Variants in HS2ST1 observed in about 807,000 individuals in gnomAD.
HS2ST1 encodes the protein 2-O-sulfotransferase.
HS2ST1 carries 18 observed loss-of-function variants against 42.9 expected under a neutral mutation model. The observed-to-expected ratio is 0.42, with a 90% CI of 0.29 to 0.62. The LOEUF is 0.62. HS2ST1 is among the 20% of genes least tolerant of loss of function. The pLI, the probability that HS2ST1 is intolerant of heterozygous loss-of-function variation, is 0.21. For synonymous variants in HS2ST1, 146 were observed against 152.9 expected (o/e 0.95, Z 0.33); for missense variants, 334 against 433.8 (o/e 0.77, Z 2.04).
intron 1 of HS2ST1, among the ~76,000 whole-genome samples, chr1:87,054,148 G>A (rs150403987): frequency 1.3e-5 from 2 of 152,090 alleles, no homozygotes; most frequent in African/African-American, 4.8e-5. Context: ...AATACATATG[G>A]AATCAGAGTT....
intron 1 of HS2ST1, among the ~76,000 whole-genome samples, chr1:87,016,271 T>C (rs1382868525): frequency 1.3e-5 from 2 of 152,208 alleles, no homozygotes; most frequent in Non-Finnish European, 2.9e-5. Context: ...TGACTTATCT[T>C]CCATGAATCT....
intron 1 of HS2ST1, among the ~76,000 whole-genome samples, chr1:86,954,445 T>C (rs1397837906): frequency 1.3e-5 from 2 of 152,188 alleles, no homozygotes; most frequent in Non-Finnish European, 2.9e-5. Context: ...AGATTTATGA[T>C]AAAAAAAGAC....
At chr1:86,951,101 A>G (rs1198850421) in intron 1 of HS2ST1, among the ~76,000 whole-genome samples, 1 of 152,238 alleles carries the variant, frequency 6.6e-6, no homozygotes, top group Admixed American at 6.5e-5. Flanking sequence ...TTCAGCCAGA[A>G]TTTATTAGCA....
At chr1:86,919,591 TC>T (rs1378858750) in intron 1 of HS2ST1, among the ~76,000 whole-genome samples, 1 of 152,180 alleles carries the variant, frequency 6.6e-6, no homozygotes, top group African/African-American at 2.4e-5. Context: ...GATGCTATTT[TC>T]CATTAATCAG....
At position 87,107,837 on chromosome 1, in the gene HS2ST1, T is replaced by G. The variant is rs1425545992; in HGVS notation, c.*3141T>G. 6.6e-6 allele frequency: 1 copy of G among 152,060 alleles called. No homozygotes were observed. The allele number at this position is 152,060 out of a possible 1,614,324, so 9.4% of individuals were successfully genotyped here. On this transcript the variant is annotated 3_prime_UTR_variant, in exon 7 of 7. Transcript: ENST00000370550. ...CTGTAAAGTAGCACTTAAATATATC[T>G]GATAGCAACACTTAAGATATTGCAT... is the stretch of plus-strand genomic sequence containing the variant.
At chr1:87,004,958 ATAAT>A (rs893195538) in intron 1 of HS2ST1, among the ~76,000 whole-genome samples, 2 of 152,256 alleles carry the variant, frequency 1.3e-5, no homozygotes, top group African/African-American at 2.4e-5. Flanking sequence ...AATAGTTTGA[ATAAT>A]TAATTGAACA....
intron 1 of HS2ST1, among the ~76,000 whole-genome samples, chr1:86,983,816 G>A (rs1648672267): frequency 6.6e-6 from 1 of 152,170 alleles, no homozygotes; most frequent in South Asian, 2.1e-4. Context: ...GCCGAGGCGG[G>A]TGGATCACAA....
chr1:87,037,042 G>A (rs1330564674), intron 1 of HS2ST1, among the ~76,000 whole-genome samples: 2 of 151,902 alleles, frequency 1.3e-5, no homozygotes, highest in Non-Finnish European at 2.9e-5. Context: ...CTGTTCTAAC[G>A]AAGTGAATAT....
chr1:87,041,886 A>G (rs1331514959), intron 1 of HS2ST1, among the ~76,000 whole-genome samples: 1 of 152,174 alleles, frequency 6.6e-6, no homozygotes, highest in Non-Finnish European at 1.5e-5. Flanking sequence ...GTTGTGTACA[A>G]TGCTTCATTG....
At chr1:87,056,001 G>A (rs1194761011) in intron 1 of HS2ST1, among the ~76,000 whole-genome samples, 1 of 152,134 alleles carries the variant, frequency 6.6e-6, no homozygotes, top group East Asian at 1.9e-4. Context: ...ATTGAGTTGT[G>A]CTGTGGTTTG....
At chr1:87,078,136 G>A (rs1651593784) in intron 2 of HS2ST1, among the ~76,000 whole-genome samples, 1 of 152,166 alleles carries the variant, frequency 6.6e-6, no homozygotes. Flanking sequence ...TCAACAGATA[G>A]TAATTACAGA....
At chr1:86,969,020 TGTAA>T (rs1178580831) in intron 1 of HS2ST1, among the ~76,000 whole-genome samples, 6 of 152,236 alleles carry the variant, frequency 3.9e-5, no homozygotes, top group African/African-American at 7.2e-5. Flanking sequence ...ACCAATTCCA[TGTAA>T]GTAAGGTTGC....
chr1:86,916,029 T>G (rs1486130138), intron 1 of HS2ST1, among the ~76,000 whole-genome samples: 1 of 152,178 alleles, frequency 6.6e-6, no homozygotes, highest in African/African-American at 2.4e-5. Context: ...GGTGCTTTAA[T>G]GGATGAGGGG....
At chr1:86,924,807 G>T (rs1660380801) in intron 1 of HS2ST1, among the ~76,000 whole-genome samples, 1 of 152,098 alleles carries the variant, frequency 6.6e-6, no homozygotes, top group African/African-American at 2.4e-5. Flanking sequence ...GTGATGGGGG[G>T]GCACTGACAT....
At chr1:86,992,937 T>C (rs900153761) in intron 1 of HS2ST1, 18 of 752,978 alleles carry the variant, frequency 2.4e-5, no homozygotes, top group Admixed American at 1.6e-4. Context: ...TGTAATAAAC[T>C]GGGGGAAACT....
At chr1:86,930,287 A>C (rs1043468092) in intron 1 of HS2ST1, among the ~76,000 whole-genome samples, 1 of 151,900 alleles carries the variant, frequency 6.6e-6, no homozygotes, top group Non-Finnish European at 1.5e-5. Flanking sequence ...AGCAGTGAAA[A>C]CATTTTGAAA....
chr1:86,966,229 A>G (rs1648043191), intron 1 of HS2ST1, among the ~76,000 whole-genome samples: 1 of 152,194 alleles, frequency 6.6e-6, no homozygotes, highest in Non-Finnish European at 1.5e-5. Context: ...TATGTCTTCT[A>G]TTAAATATAT....
intron 1 of HS2ST1, among the ~76,000 whole-genome samples, chr1:86,921,438 C>T (rs1660297404): frequency 6.6e-6 from 1 of 152,064 alleles, no homozygotes; most frequent in South Asian, 2.1e-4. Context: ...GCTCTGAAAC[C>T]TACTGCTGTG....
chr1:87,022,234 G>T (rs916137417), intron 1 of HS2ST1, among the ~76,000 whole-genome samples: 11 of 152,192 alleles, frequency 7.2e-5, no homozygotes, highest in African/African-American at 2.4e-4. Flanking sequence ...AAAATGCAAG[G>T]TGACCCTTAA....
Sources: gnomAD v4.1 joint callset for allele counts (sites outside exome capture counted in the v4.1 genomes callset) on GRCh38, gnomAD v4.1.1 for gene constraint, MANE v1.5 for transcripts, NCBI Gene and HGNC (gene_info 2026-07-23, HGNC 2026-07-21) for gene names.